The following ZNF385D variants were observed in gnomAD, a reference collection of about 807,000 sequenced individuals.
ZNF385D encodes the protein zinc finger protein 385D.
ZNF385D carries 15 observed loss-of-function variants against 35.8 expected under a neutral mutation model. The ratio of observed to expected loss-of-function variants is 0.42; its 90% CI spans 0.28 to 0.64. The LOEUF is 0.64. ZNF385D is among the 30% of genes least tolerant of loss of function. The pLI, the probability that ZNF385D is intolerant of heterozygous loss-of-function variation, is 0.23. For synonymous variants in ZNF385D, 212 were observed against 186.8 expected, an observed-to-expected ratio of 1.13 and a Z score of -1.10; for missense variants, 474 against 494.6, an observed-to-expected ratio of 0.96 and a Z score of 0.39.
chr3:22,136,947 G>C (rs1193998022), intron 3 of ZNF385D, among the ~76,000 whole-genome samples: 1 of 152,108 alleles, frequency 6.6e-6, no homozygotes, highest in Non-Finnish European at 1.5e-5. Flanking sequence ...TGATTAGATA[G>C]AGCACAGTGG....
intron 2 of ZNF385D, among the ~76,000 whole-genome samples, chr3:22,251,422 G>A (rs543081691): frequency 1.3e-4 from 20 of 152,242 alleles, no homozygotes; most frequent in African/African-American, 4.3e-4. Context: ...TTGGTTGTAC[G>A]TAACCCCTTC....
At chr3:21,877,583 G>A (rs1418932735) in intron 3 of ZNF385D, among the ~76,000 whole-genome samples, 1 of 152,046 alleles carries the variant, frequency 6.6e-6, no homozygotes, top group Non-Finnish European at 1.5e-5. Context: ...ATGGTTCAAG[G>A]AAAACACAGC....
chr3:21,839,833 G>T (rs577420940), intron 3 of ZNF385D, among the ~76,000 whole-genome samples: 28 of 152,054 alleles, frequency 1.8e-4, no homozygotes, highest in African/African-American at 6.7e-4. Flanking sequence ...ATGTATTACT[G>T]GCCAGAACTG....
chr3:22,308,691 C>T (rs192460062), intron 2 of ZNF385D, among the ~76,000 whole-genome samples: 20 of 152,142 alleles, frequency 1.3e-4, no homozygotes, highest in Non-Finnish European at 2.2e-4. Flanking sequence ...AAGGGGAACT[C>T]ATGCCAGACT....
At chr3:21,934,471 GTAA>G (rs554843233) in intron 3 of ZNF385D, among the ~76,000 whole-genome samples, 10 of 150,570 alleles carry the variant, frequency 6.6e-5, no homozygotes, top group Non-Finnish European at 1.3e-4. Flanking sequence ...TCTGAGGTTA[GTAA>G]TAATAATTAC....
intron 2 of ZNF385D, chr3:21,579,928 C>T (rs533758658): frequency 2.6e-5 from 4 of 152,092 alleles, no homozygotes; most frequent in Non-Finnish European, 5.9e-5. Flanking sequence ...CTCATTTTAA[C>T]TTGAGTACCT....
At chr3:22,111,665 T>TA (rs1702543864) in intron 3 of ZNF385D, among the ~76,000 whole-genome samples, 1 of 152,158 alleles carries the variant, frequency 6.6e-6, no homozygotes, top group South Asian at 2.1e-4. Context: ...TTGTTAGACT[T>TA]ACGCTGTCTT....
chr3:21,452,544 C>G (rs913937813), intron 4 of ZNF385D, among the ~76,000 whole-genome samples: 1 of 151,820 alleles, frequency 6.6e-6, no homozygotes, highest in Non-Finnish European at 1.5e-5. Flanking sequence ...CCACAAGAAC[C>G]CCCAAAACTA....
rs147169172 is a variant in ZNF385D at position 21,912,921 on chromosome 3, A to G, written c.326-247893T>C. Among the ~76,000 whole-genome samples, 391 of 152,174 alleles carry G rather than the reference A, an allele frequency of 2.6e-3. 2 individuals carry two copies. The highest frequency in any genetic ancestry group is 5.6e-3 in the Admixed American group (85 of 15,240). ...AACTATCTTGGCTTCCACATCTAAG[A>G]AATTGAAACGGTACTGACAATCTTA... On this transcript the variant is annotated intron_variant, in intron 3 of 5. Coordinates refer to the ZNF385D transcript ENST00000494108.
At chr3:21,647,919 A>C (rs2065802077) in intron 2 of ZNF385D, among the ~76,000 whole-genome samples, 1 of 152,190 alleles carries the variant, frequency 6.6e-6, no homozygotes, top group Non-Finnish European at 1.5e-5. Context: ...AACCGATTAA[A>C]ATATTACTTA....
At chr3:21,918,985 GAC>G (rs1433292091) in intron 3 of ZNF385D, among the ~76,000 whole-genome samples, 1 of 152,124 alleles carries the variant, frequency 6.6e-6, no homozygotes, top group African/African-American at 2.4e-5. Flanking sequence ...GTCAAACACA[GAC>G]AGCCTTAATT....
At chr3:22,358,958 T>C (rs573024291) in intron 2 of ZNF385D, among the ~76,000 whole-genome samples, 2 of 151,358 alleles carry the variant, frequency 1.3e-5, no homozygotes, top group Admixed American at 6.6e-5. Flanking sequence ...TCTGGTTACA[T>C]AGCCAGGCCC....
chr3:21,611,579 A>G (rs2064681240), intron 2 of ZNF385D, among the ~76,000 whole-genome samples: 1 of 152,168 alleles, frequency 6.6e-6, no homozygotes, highest in Non-Finnish European at 1.5e-5. Context: ...TGATGGCCAA[A>G]TGACATAATG....
chr3:21,949,044 G>T (rs1701929758), intron 3 of ZNF385D, among the ~76,000 whole-genome samples: 1 of 151,952 alleles, frequency 6.6e-6, no homozygotes, highest in South Asian at 2.1e-4. Flanking sequence ...TTTACCATTT[G>T]TGCTCTTTAA....
intron 3 of ZNF385D, among the ~76,000 whole-genome samples, chr3:22,018,507 T>C (rs1185074518): frequency 6.6e-6 from 1 of 152,070 alleles, no homozygotes; most frequent in Non-Finnish European, 1.5e-5. Context: ...ACCAATTTTT[T>C]ATACAAATAA....
intron 2 of ZNF385D, among the ~76,000 whole-genome samples, chr3:22,276,538 T>G (rs1043722572): frequency 1.3e-5 from 2 of 152,188 alleles, no homozygotes; most frequent in Non-Finnish European, 2.9e-5. Flanking sequence ...GTTTTATACT[T>G]GAAAATTGAT....
At chr3:22,118,786 T>A (rs1702938202) in intron 3 of ZNF385D, among the ~76,000 whole-genome samples, 1 of 152,128 alleles carries the variant, frequency 6.6e-6, no homozygotes, top group South Asian at 2.1e-4. Flanking sequence ...TTCACAGGCC[T>A]TAGGAACATG....
upstream of ZNF385D, among the ~76,000 whole-genome samples, chr3:21,754,869 T>A (rs932177792): frequency 6.6e-6 from 1 of 152,212 alleles, no homozygotes; most frequent in Non-Finnish European, 1.5e-5. Flanking sequence ...AATGAGGGAA[T>A]GAATGAATGA....
intron 3 of ZNF385D, among the ~76,000 whole-genome samples, chr3:22,105,711 C>A (rs1456762646): frequency 6.6e-6 from 1 of 152,032 alleles, no homozygotes; most frequent in African/African-American, 2.4e-5. Flanking sequence ...CCTTTTTGTT[C>A]TATTAAGGTC....
Sources: gnomAD v4.1 joint callset for allele counts (sites outside exome capture counted in the v4.1 genomes callset) on GRCh38, gnomAD v4.1.1 for gene constraint, MANE v1.5 for transcripts, NCBI Gene and HGNC (gene_info 2026-07-23, HGNC 2026-07-21) for gene names.